Variants in BMPR1A observed in about 807,000 individuals in gnomAD.
BMPR1A encodes bone morphogenetic protein receptor type-1A.
A neutral mutation model predicts 66.0 loss-of-function variants in BMPR1A; 7 were observed. The ratio of observed to expected loss-of-function variants is 0.11; its 90% CI spans 0.06 to 0.20. The LOEUF is 0.20. BMPR1A is among the 10% of genes least tolerant of loss of function. The pLI is 1.00. For missense variants in BMPR1A, 408 were observed against 669.1 expected (o/e 0.61, Z 4.31); for synonymous variants, 200 against 229.7 (o/e 0.87, Z 1.17).
chr10:86,834,329 A>C (rs1842312416), intron 1 of BMPR1A, among the ~76,000 whole-genome samples: 1 of 152,186 alleles, frequency 6.6e-6, no homozygotes, highest in South Asian at 2.1e-4. Flanking sequence ...TATGCAACCC[A>C]GTTTTGTATC....
intron 7 of BMPR1A, among the ~76,000 whole-genome samples, chr10:86,904,436 C>G (rs993394971): frequency 6.6e-6 from 1 of 152,128 alleles, no homozygotes; most frequent in Admixed American, 6.5e-5. Context: ...AAGAAGATAG[C>G]GAACCAACAT....
intron 5 of BMPR1A, among the ~76,000 whole-genome samples, chr10:86,893,347 G>A (rs1387838115): frequency 1.3e-5 from 2 of 152,206 alleles, no homozygotes; most frequent in Non-Finnish European, 2.9e-5. Flanking sequence ...ATGGCTCTGG[G>A]TTATAAACCT....
intron 3 of BMPR1A, among the ~76,000 whole-genome samples, chr10:86,884,130 G>A (rs1044900796): frequency 5.3e-5 from 8 of 151,856 alleles, no homozygotes; most frequent in African/African-American, 1.9e-4. Flanking sequence ...GGCCTCCCAA[G>A]GTGCTGGGGT....
At chr10:86,837,247 C>CTGTGTGTGTGTGTGTGTGTG (rs71019433) in intron 1 of BMPR1A, among the ~76,000 whole-genome samples, 4 of 138,106 alleles carry the variant, frequency 2.9e-5, no homozygotes, top group East Asian at 4.2e-4. Context: ...GTGTGTGTGT[C>CTGTGTGTGTGTGTGTGTGTG]TGTGTGTGTG....
At chr10:86,807,704 G>T (rs1290248861) in intron 1 of BMPR1A, among the ~76,000 whole-genome samples, 1 of 152,118 alleles carries the variant, frequency 6.6e-6, no homozygotes, top group Non-Finnish European at 1.5e-5. Context: ...TATGTATTCC[G>T]TTTAATCTGT....
chr10:86,786,865 C>G (rs116973648), intron 1 of BMPR1A, among the ~76,000 whole-genome samples: 6,581 of 152,276 alleles, frequency 0.043, 254 homozygotes, highest in Non-Finnish European at 0.06. Context: ...CAAGAAAATT[C>G]AAAACCAAAA....
Position 86,917,298 on chromosome 10 carries a change from T to G in BMPR1A, c.840T>G (p.Thr280=). The G allele has an allele frequency of 1.2e-6, 2 of 1,614,158 alleles. No individual in the cohort carries two copies. Among genetic ancestry groups the G allele is most frequent in the Non-Finnish European group, 1.7e-6 (2 of 1,180,038 alleles). The change falls in exon 9 of 13, where the codon ACT becomes ACG. Residue 280 remains threonine (T), a synonymous_variant. Coordinates refer to ENST00000372037, the MANE Select transcript of BMPR1A (RefSeq NM_004329.3). ...SWFRETEIYQ[T]VLMRHENILG... ...TTCGAGAAACAGAAATCTACCAAACTGTGCTAATGCGCCATGAAAACATAC... is the reference window on the plus strand; with the variant it reads ...TTCGAGAAACAGAAATCTACCAAACGGTGCTAATGCGCCATGAAAACATAC...
At chr10:86,856,596 G>A (rs10887660) in intron 2 of BMPR1A, among the ~76,000 whole-genome samples, 68,652 of 152,078 alleles carry the variant, frequency 0.45, 17,733 homozygotes, top group East Asian at 0.71. Context: ...AGTCTTGCTT[G>A]TGTAAAATCT....
chr10:86,866,553 T>C (rs1239519438), intron 2 of BMPR1A, among the ~76,000 whole-genome samples: 8 of 151,700 alleles, frequency 5.3e-5, no homozygotes, highest in Admixed American at 4.6e-4. Flanking sequence ...GGTTTGCAGG[T>C]GCCTGCCACC....
At chr10:86,824,314 T>G (rs977433442) in intron 1 of BMPR1A, among the ~76,000 whole-genome samples, 1 of 152,160 alleles carries the variant, frequency 6.6e-6, no homozygotes, top group Non-Finnish European at 1.5e-5. Context: ...GAACCTGTTG[T>G]TGCTTCCTTT....
chr10:86,830,529 G>C (rs577098480), intron 1 of BMPR1A, among the ~76,000 whole-genome samples: 1 of 152,150 alleles, frequency 6.6e-6, no homozygotes, highest in Non-Finnish European at 1.5e-5. Flanking sequence ...TATTTTAGCT[G>C]TGCCAGTAGG....
chr10:86,836,646 AAATT>A (rs1842351577), intron 1 of BMPR1A, among the ~76,000 whole-genome samples: 1 of 152,150 alleles, frequency 6.6e-6, no homozygotes, highest in African/African-American at 2.4e-5. Flanking sequence ...AAAAATATAA[AAATT>A]AACCTGGCAT....
intron 1 of BMPR1A, among the ~76,000 whole-genome samples, chr10:86,814,818 C>A (rs192941418): frequency 1.3e-5 from 2 of 152,152 alleles, no homozygotes; most frequent in African/African-American, 4.8e-5. Context: ...CGGAGTCTTA[C>A]TCTGTCGCCT....
At chr10:86,841,321 C>T (rs1258057546) in intron 2 of BMPR1A, among the ~76,000 whole-genome samples, 2 of 152,164 alleles carry the variant, frequency 1.3e-5, no homozygotes, top group Non-Finnish European at 2.9e-5. Context: ...TTTGATTATT[C>T]CACACTGTGT....
intron 8 of BMPR1A, among the ~76,000 whole-genome samples, chr10:86,913,291 T>TTG (rs1243359244): frequency 6.9e-6 from 1 of 144,766 alleles, no homozygotes; most frequent in African/African-American, 2.5e-5. Flanking sequence ...CCAGGCTAAT[T>TTG]TTTTTTTTTT....
chr10:86,922,181 TA>T (rs894771149), intron 11 of BMPR1A, among the ~76,000 whole-genome samples: 2 of 152,208 alleles, frequency 1.3e-5, no homozygotes, highest in African/African-American at 4.8e-5. Context: ...TGGCTTATTT[TA>T]CTTAACGTTA....
chr10:86,923,079 T>A (rs902937049), intron 11 of BMPR1A, among the ~76,000 whole-genome samples: 8 of 152,252 alleles, frequency 5.3e-5, no homozygotes, highest in Admixed American at 5.2e-4. Context: ...TAAATAATTA[T>A]ACTTTAGGGT....
At chr10:86,776,229 G>T (rs1370740933) in intron 1 of BMPR1A, among the ~76,000 whole-genome samples, 1 of 152,178 alleles carries the variant, frequency 6.6e-6, no homozygotes, top group Non-Finnish European at 1.5e-5. Flanking sequence ...ATCCAGGGGT[G>T]AGTATAACAA....
chr10:86,790,188 AATATATATATATATATATATATATATAT>A lies in BMPR1A; in HGVS notation c.-268+33290_-268+33317del, dbSNP rs1228412063. ...AAAAAAAAAAAAAAAAAAAAAAAAAAATATATATATATATATATATATATATATATATATATATATATATATATCAAAA... is the reference window on the plus strand; with the variant it reads ...AAAAAAAAAAAAAAAAAAAAAAAAAAATATATATATATATATATATCAAAA... On this transcript the variant is annotated intron_variant, in intron 1 of 12. Transcript: ENST00000372037. Among the ~76,000 whole-genome samples the A allele has an allele frequency of 3.0e-4, 6 of 20,272 alleles. 1 individual carries two copies. The highest frequency in any genetic ancestry group is 9.6e-4 in the African/African-American group (3 of 3,132). 13.3% of individuals were successfully genotyped at this position (20,272 alleles called of 152,430 possible). A position where few individuals can be genotyped will look rare whatever the true frequency, so the allele number is the denominator to read the frequency against.
Sources: allele counts gnomAD v4.1 joint callset (sites outside exome capture counted in the v4.1 genomes callset), GRCh38; gene constraint gnomAD v4.1.1; transcripts MANE v1.5; gene names NCBI Gene and HGNC (gene_info 2026-07-23, HGNC 2026-07-21).